PPFIBP2: variants seen among roughly 807,000 people sequenced by gnomAD.
The protein encoded by PPFIBP2 is PPFIB scaffold protein 2.
Under a neutral mutation model 118.3 loss-of-function variants are expected in PPFIBP2, and 118 were observed. The observed-to-expected ratio is 1.00, with a 90% CI of 0.86 to 1.16. PPFIBP2 has a LOEUF of 1.16. Among genes scored for constraint, PPFIBP2 ranks in the 50% most tolerant of loss-of-function variants. The pLI is 0.00. For missense variants in PPFIBP2, 1,195 were observed against 1,073.1 expected (o/e 1.11, Z -1.59); for synonymous variants, 414 against 397.4 (o/e 1.04, Z -0.50).
At chr11:7,651,970 T>A in intron 23 of PPFIBP2, 126 bp downstream of exon 23, 1 of 935,640 alleles carries the variant, frequency 1.1e-6, no homozygotes, top group Non-Finnish European at 1.6e-6. Flanking sequence ...TCTTTCAGCT[T>A]CTGCTGTGGG....
intron 1 of PPFIBP2, among the ~76,000 whole-genome samples, chr11:7,534,887 C>G (rs1250299741): frequency 2.0e-5 from 3 of 152,252 alleles, no homozygotes; most frequent in Non-Finnish European, 4.4e-5. Context: ...AAATGAATTA[C>G]AGCATCATCC....
chr11:7,649,625 CA>C lies in PPFIBP2; in HGVS notation c.2093del (p.His698ProfsTer26). The stretch of plus-strand genomic sequence containing the variant: ...GCTGCATGTCAACAAGTTCAACCCC[CA>C]CTGCCTGCACCGGCGGCCAGCTGAT... The part of the protein sequence containing the change: ...HVLHVNKFNP[H>X]CLHRRPADES... On this transcript the variant is annotated frameshift_variant, in exon 21 of 24. Transcript: ENST00000299492. LOFTEE classifies it high-confidence loss of function. 1.2e-6 allele frequency: 2 copies of C among 1,614,252 alleles called. No homozygotes were observed. The highest frequency in any genetic ancestry group is 1.7e-6 in the Non-Finnish European group (2 of 1,180,052).
intron 3 of PPFIBP2, among the ~76,000 whole-genome samples, chr11:7,586,492 C>T (rs1309443976): frequency 2.0e-5 from 3 of 152,130 alleles, no homozygotes; most frequent in East Asian, 3.8e-4. Context: ...TTTTAGAGCA[C>T]CCTACTATAA....
In PPFIBP2 at chr11:7,605,907, C is replaced by G. The variant is rs556349040; in HGVS notation, c.487-4384C>G. On this transcript the variant is annotated intron_variant, in intron 5 of 23. Transcript: ENST00000299492. ...CTGAGAAGCTGAACGAAATGGAAAG[C>G]AAAGCCTGTTGGAGCTGAGGTCAAA... is the stretch of plus-strand genomic sequence containing the variant. 9.2e-5 allele frequency: 139 copies of G among 1,514,348 alleles called. 2 individuals carry two copies. In the African/African-American group the frequency reaches 1.5e-3, roughly 16 times the overall value. The allele number at this position is 1,514,348 out of a possible 1,614,324, so 93.8% of individuals were successfully genotyped here.
downstream of PPFIBP2, among the ~76,000 whole-genome samples, chr11:7,658,828 T>A (rs1449796135): frequency 1.9e-5 from 2 of 105,372 alleles, no homozygotes; most frequent in African/African-American, 4.1e-5. Flanking sequence ...GACTTTTTAA[T>A]GATTGCCATT....
chr11:7,656,917 A>C (rs183377264), downstream of PPFIBP2: 44 of 711,488 alleles, frequency 6.2e-5, no homozygotes, highest in African/African-American at 6.2e-4. Context: ...AGGGTGTCTC[A>C]GACAGGCTGC....
intron 19 of PPFIBP2, 54 bp from the exon 20 acceptor site, chr11:7,649,093 T>G: frequency 6.5e-7 from 1 of 1,545,520 alleles, no homozygotes; most frequent in Non-Finnish European, 8.9e-7. Context: ...TTTTGGTGTC[T>G]ACATTCTCTC....
chr11:7,652,881 C>T (rs983299169), intron 23 of PPFIBP2, 143 bp from the exon 24 acceptor site: 1 of 985,244 alleles, frequency 1.0e-6, no homozygotes, highest in African/African-American at 1.6e-5. Context: ...TCCAAGAGCT[C>T]TGTTTTGTTC....
intron 7 of PPFIBP2, 42 bp downstream of exon 7, chr11:7,621,069 C>T (rs1203391870): frequency 6.1e-6 from 9 of 1,474,910 alleles, no homozygotes; most frequent in Non-Finnish European, 8.5e-6. Context: ...GTATGAGGGC[C>T]TTGTGGGGAG....
intron 1 of PPFIBP2, among the ~76,000 whole-genome samples, chr11:7,519,777 C>G (rs1466465816): frequency 6.6e-6 from 1 of 152,130 alleles, no homozygotes; most frequent in Admixed American, 6.5e-5. Flanking sequence ...GAGGTGTCCC[C>G]CTAAGACCAG....
chr11:7,666,406 G>T, the PPFIBP2 span: 1 of 1,269,854 alleles, frequency 7.9e-7, no homozygotes, highest in Non-Finnish European at 1.1e-6. Flanking sequence ...AAGTGGTCAA[G>T]GGTTGGTGCT....
chr11:7,641,581 G>C lies in PPFIBP2; in HGVS notation c.1478G>C (p.Gly493Ala). Reference protein sequence around the residue: ...SGPQSPLTPDGKRNPKGIKKF... With the variant: ...SGPQSPLTPDAKRNPKGIKKF... ...CCTCAGTCTCCTCTGACACCAGATG[G>C]TAAACGGAATCCCAAAGGCATTAAG... Residue 493 changes from glycine to alanine, a missense_variant, in exon 16 of 24, where the codon GGT becomes GCT. Physicochemically the swap from Gly to Ala is moderately conservative, Grantham distance 60. Transcript: ENST00000299492. 1.9e-6 allele frequency: 3 copies of C among 1,614,066 alleles called. No homozygotes were observed. The highest frequency in any genetic ancestry group is 2.2e-5 in the South Asian group (2 of 91,084).
intron 1 of PPFIBP2, among the ~76,000 whole-genome samples, chr11:7,541,191 C>G (rs144076674): frequency 8.5e-5 from 13 of 152,336 alleles, no homozygotes; most frequent in Non-Finnish European, 1.5e-4. Context: ...AGGTCAGGCT[C>G]TCTACTTACA....
At chr11:7,649,365 G>A in intron 20 of PPFIBP2, 130 bp downstream of exon 20, 1 of 1,245,372 alleles carries the variant, frequency 8.0e-7, no homozygotes, top group Non-Finnish European at 1.1e-6. Flanking sequence ...TGTCACAAAA[G>A]AGGTCCCAAG....
intron 6 of PPFIBP2, among the ~76,000 whole-genome samples, chr11:7,613,618 A>C (rs1258516250): frequency 1.3e-5 from 2 of 152,226 alleles, no homozygotes; most frequent in Non-Finnish European, 2.9e-5. Context: ...ACCAAAATCA[A>C]GAGGATGAAG....
chr11:7,524,129 CGT>C (rs138037955), intron 1 of PPFIBP2, among the ~76,000 whole-genome samples: 1 of 150,844 alleles, frequency 6.6e-6, no homozygotes, highest in African/African-American at 2.4e-5. Flanking sequence ...TGTGTCTGTG[CGT>C]GTGTGTGTGT....
At chr11:7,539,320 G>A (rs1472833085) in intron 1 of PPFIBP2, 2 of 152,384 alleles carry the variant, frequency 1.3e-5, no homozygotes, top group African/African-American at 4.8e-5. Context: ...GTCCCTCATT[G>A]TGATATAAAG....
At chr11:7,641,993 AC>A in intron 16 of PPFIBP2, 1 of 404,920 alleles carries the variant, frequency 2.5e-6, no homozygotes, top group Non-Finnish European at 4.4e-6. Context: ...AAAGCCAAGT[AC>A]TTGCTGGCCC....
At chr11:7,577,800 C>G (rs1012351697) in intron 3 of PPFIBP2, among the ~76,000 whole-genome samples, 3 of 152,074 alleles carry the variant, frequency 2.0e-5, no homozygotes, top group African/African-American at 7.2e-5. Context: ...TTATAGACAC[C>G]AGGGAGAAAA....
Sources: gnomAD v4.1 joint callset for allele counts (sites outside exome capture counted in the v4.1 genomes callset) on GRCh38, gnomAD v4.1.1 for gene constraint, MANE v1.5 for transcripts, NCBI Gene and HGNC (gene_info 2026-07-23, HGNC 2026-07-21) for gene names.